CNTNAP5: variants seen among roughly 807,000 people sequenced by gnomAD.
CNTNAP5 encodes the protein contactin-associated protein-like 5.
In CNTNAP5, 72 loss-of-function variants were observed where a neutral mutation model predicts 150.2. The observed-to-expected ratio is 0.48, with a 90% CI of 0.40 to 0.58. The LOEUF (loss-of-function observed/expected upper bound fraction) is 0.58. Among genes scored for constraint, CNTNAP5 ranks in the 20% least tolerant of loss-of-function variants. The pLI is 0.00. For synonymous variants in CNTNAP5, 672 were observed against 619.8 expected, an observed-to-expected ratio of 1.08 and a Z score of -1.25; for missense variants, 1,636 against 1,626.2, an observed-to-expected ratio of 1.01 and a Z score of -0.10.
At chr2:124,527,131 T>C (rs139565988) in intron 9 of CNTNAP5, among the ~76,000 whole-genome samples, 154 bp from the exon 10 acceptor site, 1 of 152,302 alleles carries the variant, frequency 6.6e-6, no homozygotes, top group African/African-American at 2.4e-5. Flanking sequence ...GTCCCCTCCC[T>C]GAGAATGCTA....
At chr2:124,714,827 A>G (rs1484342134) in intron 13 of CNTNAP5, among the ~76,000 whole-genome samples, 2 of 152,114 alleles carry the variant, frequency 1.3e-5, no homozygotes, top group African/African-American at 2.4e-5. Context: ...AAACACAACT[A>G]GGAATCCAGA....
chr2:124,747,870 C>A (rs1251170632), intron 14 of CNTNAP5, among the ~76,000 whole-genome samples: 2 of 139,844 alleles, frequency 1.4e-5, no homozygotes, highest in African/African-American at 5.3e-5. Context: ...ATATCTTGAC[C>A]TCGTGATCCA....
chr2:124,456,941 A>T (rs1199022380), intron 6 of CNTNAP5, among the ~76,000 whole-genome samples: 2 of 152,254 alleles, frequency 1.3e-5, no homozygotes, highest in Admixed American at 1.3e-4. Context: ...CTTAAATCTA[A>T]GACCTGAAAC....
intron 3 of CNTNAP5, among the ~76,000 whole-genome samples, chr2:124,406,340 G>A (rs1691569599): frequency 6.6e-6 from 1 of 152,148 alleles, no homozygotes; most frequent in African/African-American, 2.4e-5. Context: ...TACTGATAAT[G>A]TTATTTGAAT....
intron 1 of CNTNAP5, among the ~76,000 whole-genome samples, chr2:124,090,202 A>G (rs532079110): frequency 5.3e-5 from 8 of 152,368 alleles, no homozygotes; most frequent in Non-Finnish European, 1.2e-4. Flanking sequence ...CTACTTTGAA[A>G]AATAATTTAG....
chr2:124,139,263 A>AACACACACAC (rs3063402), intron 1 of CNTNAP5, among the ~76,000 whole-genome samples: 1 of 149,198 alleles, frequency 6.7e-6, no homozygotes, highest in Admixed American at 6.7e-5. Context: ...TTTCTACCCC[A>AACACACACAC]ACACACACAC....
intron 13 of CNTNAP5, among the ~76,000 whole-genome samples, chr2:124,670,846 A>G (rs571590142): frequency 1.3e-5 from 2 of 152,284 alleles, no homozygotes; most frequent in South Asian, 2.1e-4. Context: ...TCTTTTCTGG[A>G]CACAGCAAAC....
intron 1 of CNTNAP5, among the ~76,000 whole-genome samples, chr2:124,035,027 TTC>T (rs1681175447): frequency 2.1e-5 from 2 of 97,134 alleles, no homozygotes; most frequent in African/African-American, 3.8e-5. Context: ...CCTCCCTTCC[TTC>T]CTTCCTTCTT....
chr2:124,538,037 T>A (rs1695281332), intron 10 of CNTNAP5, among the ~76,000 whole-genome samples: 1 of 152,156 alleles, frequency 6.6e-6, no homozygotes, highest in Admixed American at 6.5e-5. Context: ...GCCAGGTGAA[T>A]TATCACAAGC....
chr2:124,225,383 A>G (rs562504002), intron 2 of CNTNAP5, among the ~76,000 whole-genome samples: 1 of 152,306 alleles, frequency 6.6e-6, no homozygotes, highest in African/African-American at 2.4e-5. Context: ...CCAAAGCACC[A>G]CAACACTATC....
At chr2:124,824,056 T>G (rs943451614) in intron 19 of CNTNAP5, among the ~76,000 whole-genome samples, 29 of 151,930 alleles carry the variant, frequency 1.9e-4, no homozygotes, top group African/African-American at 7.0e-4. Context: ...TAGCTGGGAT[T>G]ACAGATGCAT....
chr2:124,459,254 G>A (rs1402127098), intron 6 of CNTNAP5, among the ~76,000 whole-genome samples: 3 of 152,172 alleles, frequency 2.0e-5, no homozygotes, highest in Admixed American at 2.0e-4. Flanking sequence ...GCTGATCTGA[G>A]TCTTGGCAGG....
intron 2 of CNTNAP5, among the ~76,000 whole-genome samples, chr2:124,240,972 A>T (rs747562693): frequency 1.3e-5 from 2 of 152,176 alleles, no homozygotes; most frequent in Non-Finnish European, 2.9e-5. Flanking sequence ...TTTCAATGAC[A>T]TAGATTGAAA....
intron 3 of CNTNAP5, among the ~76,000 whole-genome samples, chr2:124,407,395 G>A (rs1226811848): frequency 6.6e-6 from 1 of 152,052 alleles, no homozygotes; most frequent in Non-Finnish European, 1.5e-5. Flanking sequence ...TAGAGGTCAG[G>A]GGAAAGCTTC....
chr2:124,741,020 C>A (rs1201312735), intron 13 of CNTNAP5, among the ~76,000 whole-genome samples: 1 of 152,124 alleles, frequency 6.6e-6, no homozygotes, highest in South Asian at 2.1e-4. Context: ...TTACTCCACC[C>A]CTAAACCCAC....
At chr2:124,379,529 C>T (rs1016296070) in intron 3 of CNTNAP5, among the ~76,000 whole-genome samples, 1 of 152,106 alleles carries the variant, frequency 6.6e-6, no homozygotes, top group African/African-American at 2.4e-5. Flanking sequence ...ATTGTCTGGA[C>T]ATACCACAGT....
intron 3 of CNTNAP5, among the ~76,000 whole-genome samples, chr2:124,257,578 A>C (rs1044215401): frequency 7.2e-5 from 11 of 152,170 alleles, no homozygotes; most frequent in African/African-American, 2.4e-4. Flanking sequence ...GTTCAGCTCT[A>C]ATCCCAGGTC....
intron 1 of CNTNAP5, among the ~76,000 whole-genome samples, chr2:124,215,732 A>G (rs1376914390): frequency 2.0e-5 from 3 of 149,644 alleles, no homozygotes; most frequent in Non-Finnish European, 3.0e-5. Flanking sequence ...AAAAAAAAAA[A>G]AGAAGAGAAA....
intron 19 of CNTNAP5, among the ~76,000 whole-genome samples, chr2:124,806,815 G>C (rs958512366): frequency 6.6e-6 from 1 of 152,136 alleles, no homozygotes. Flanking sequence ...TCTGTAAAGG[G>C]CTTGGAGAAA....
Sources: gnomAD v4.1 joint callset for allele counts (sites outside exome capture counted in the v4.1 genomes callset) on GRCh38, gnomAD v4.1.1 for gene constraint, MANE v1.5 for transcripts, NCBI Gene and HGNC (gene_info 2026-07-23, HGNC 2026-07-21) for gene names.